Variants in NKD2 observed in about 807,000 individuals in gnomAD.
NKD2 encodes the protein protein naked cuticle homolog 2.
NKD2 carries 43 observed loss-of-function variants against 34.8 expected under a neutral mutation model. The observed-to-expected ratio is 1.24, with a 90% CI of 0.97 to 1.60. The LOEUF (loss-of-function observed/expected upper bound fraction) is 1.60, where lower values mean the gene tolerates loss of function less well. NKD2 is among the 40% of genes most tolerant of loss of function. NKD2 has a pLI of 0.00. For missense variants in NKD2, 675 were observed against 627.1 expected (o/e 1.08, Z -0.82); for synonymous variants, 278 against 265.1 (o/e 1.05, Z -0.47).
chr5:1,022,202 T>C (rs146574821), intron 3 of NKD2, among the ~76,000 whole-genome samples: 3,796 of 151,496 alleles, frequency 0.025, 188 homozygotes, highest in African/African-American at 0.087. Flanking sequence ...GTCCCTGCTC[T>C]TCCCACCCGC....
intron 3 of NKD2, among the ~76,000 whole-genome samples, chr5:1,024,224 T>G (rs561638834): frequency 0.02 from 94 of 4,664 alleles, 5 homozygotes; most frequent in African/African-American, 0.024. Context: ...CTTCCCACCC[T>G]CTGTGGGCGT....
rs536383686 is a variant in NKD2, at chr5:1,010,228, T to A, written c.141+668T>A. Among the ~76,000 whole-genome samples the A allele has an allele frequency of 2.6e-5, 4 of 152,294 alleles. No individual in the cohort carries two copies. The East Asian group carries it at 7.7e-4, about 30-fold the overall frequency. Reference sequence around the variant, plus strand: ...CCAGGTCTGGGGCCCTGGAAGGGCCTGGGGTAAATTAGACCTGCATGTTTG... The same window carrying A: ...CCAGGTCTGGGGCCCTGGAAGGGCCAGGGGTAAATTAGACCTGCATGTTTG... On this transcript the variant is annotated intron_variant, in intron 3 of 9. Coordinates refer to ENST00000296849, the MANE Select transcript of NKD2 (RefSeq NM_033120.4).
intron 3 of NKD2, among the ~76,000 whole-genome samples, chr5:1,016,105 C>T (rs11956888): frequency 5.9e-5 from 9 of 152,196 alleles, no homozygotes; most frequent in Non-Finnish European, 1.2e-4. Flanking sequence ...GATCCCCCCC[C>T]ACACCGGACA....
chr5:1,027,111 C>T (rs1756448738), intron 3 of NKD2, among the ~76,000 whole-genome samples: 1 of 152,250 alleles, frequency 6.6e-6, no homozygotes, highest in Non-Finnish European at 1.5e-5. Context: ...CTGGGCACAG[C>T]TCGAGAGCCA....
In NKD2 at chr5:1,038,404, A is replaced by T. The variant is rs1734129994; in HGVS notation, c.*31A>T. 7 of 1,535,476 alleles carry T rather than the reference A, an allele frequency of 4.6e-6. No homozygotes were observed. The highest frequency in any genetic ancestry group is 6.1e-6 in the Non-Finnish European group (7 of 1,146,652). ...CTGCCAAGCACACCTCGCTCCCAGC[A>T]CACCACAGCCCGCGACCTCAGGGCA... On this transcript the variant is annotated 3_prime_UTR_variant, in exon 10 of 10. Transcript: ENST00000296849. The surrounding 1 kb of genome is among the most constrained non-coding windows in gnomAD (Gnocchi z 4.5).
chr5:1,017,334 GCCA>G (rs2150730085), intron 3 of NKD2, among the ~76,000 whole-genome samples: 1 of 152,358 alleles, frequency 6.6e-6, no homozygotes, highest in East Asian at 1.9e-4. Context: ...GGCGTGCCAG[GCCA>G]GTGGCCAGGT....
chr5:1,019,995 G>A (rs1018708132), intron 3 of NKD2, among the ~76,000 whole-genome samples: 6 of 152,290 alleles, frequency 3.9e-5, no homozygotes, highest in Admixed American at 6.5e-5. Flanking sequence ...GGCCCGAGTC[G>A]TGGTTTTATT....
chr5:1,026,971 C>G (rs1365905588), intron 3 of NKD2, among the ~76,000 whole-genome samples: 1 of 152,252 alleles, frequency 6.6e-6, no homozygotes. Flanking sequence ...ATTCTGGCAG[C>G]CTTGGGCCTG....
At position 1,038,255 on chromosome 5, in the gene NKD2, A is replaced by G. The variant is rs768145712; in HGVS notation, c.1238A>G (p.Asp413Gly). ...ACAGTGGAGCACGAGGTGGTGCGGG[A>G]CCTGCCGCCCACGCCAGCAGGAGAG... The part of the protein sequence containing the change: ...PATVEHEVVR[D>G]LPPTPAGEGY... Residue 413 changes from aspartate to glycine, a missense_variant, in exon 10 of 10, where the codon GAC becomes GGC. Coordinates refer to ENST00000296849, the MANE Select transcript of NKD2 (RefSeq NM_033120.4). This position sits in a 1 kb window ranked among gnomAD's most constrained non-coding sequence, Gnocchi z 4.5. 4 of 1,583,374 alleles carry G rather than the reference A, an allele frequency of 2.5e-6. No homozygotes were observed. Among genetic ancestry groups the G allele is most frequent in the Non-Finnish European group, 3.4e-6 (4 of 1,168,464 alleles).
At chr5:1,014,581 C>T (rs796339499) in intron 3 of NKD2, among the ~76,000 whole-genome samples, 1 of 152,332 alleles carries the variant, frequency 6.6e-6, no homozygotes, top group African/African-American at 2.4e-5. Flanking sequence ...TCCTTTGCCC[C>T]TGGGTGGGCA....
At position 1,037,811 on chromosome 5, in the gene NKD2, CT is replaced by C; in HGVS notation, c.795del (p.Pro266LeufsTer162). ...NYTSRFGPGSPPVQAKQEPQG... is the reference protein window; with the variant it reads ...NYTSRFGPGSXPVQAKQEPQG... The stretch of plus-strand genomic sequence containing the variant: ...CTCTGACCTGTGTCCGCAGGGTCCC[CT>C]CCTGTGCAAGCAAAGCAGGAGCCCC... On this transcript the variant is annotated frameshift_variant, in exon 10 of 10. Transcript: ENST00000296849. LOFTEE classifies it low-confidence loss of function (END_TRUNC). 1 of 1,574,844 alleles carries C rather than the reference CT, an allele frequency of 6.3e-7. No homozygotes were observed. Among genetic ancestry groups the C allele is most frequent in the Non-Finnish European group, 8.6e-7 (1 of 1,164,426 alleles).
At chr5:1,029,931 G>A (rs1756573708) in intron 3 of NKD2, among the ~76,000 whole-genome samples, 1 of 151,048 alleles carries the variant, frequency 6.6e-6, no homozygotes, top group Non-Finnish European at 1.5e-5. Flanking sequence ...GAGGCTCAGG[G>A]CACCCAGCAC....
chr5:1,032,245 A>G, intron 4 of NKD2, 33 bp downstream of exon 4: 1 of 1,558,600 alleles, frequency 6.4e-7, no homozygotes, highest in Non-Finnish European at 8.8e-7. Context: ...TCCCTCCCCA[A>G]ACTCACAGAC....
At chr5:1,013,154 G>A (rs16870593) in intron 3 of NKD2, among the ~76,000 whole-genome samples, 4,585 of 152,352 alleles carry the variant, frequency 0.03, 171 homozygotes, top group African/African-American at 0.091. Flanking sequence ...ATGTCCAGGA[G>A]AATGGCAGCT....
chr5:1,026,244 C>T (rs1176794121), intron 3 of NKD2, among the ~76,000 whole-genome samples: 3 of 29,384 alleles, frequency 1.0e-4, no homozygotes, highest in Non-Finnish European at 2.1e-4. Context: ...TGCTAGTGGG[C>T]GTCTCAGCCC....
chr5:1,018,584 C>T (rs187060238), intron 3 of NKD2, among the ~76,000 whole-genome samples: 5 of 152,278 alleles, frequency 3.3e-5, no homozygotes, highest in African/African-American at 1.2e-4. Context: ...GGCTTGTGCT[C>T]AGATGGTGAC....
In NKD2 at chr5:1,038,149, C is replaced by A. The variant is rs762007713; in HGVS notation, c.1132C>A (p.Pro378Thr). ...DGHHLPQPPP[P>T]PYGHKRYRQK... ...CCACCACCTCCCGCAGCCCCCACCGCCACCCTACGGCCACAAGCGGTACCG... is the reference window on the plus strand; with the variant it reads ...CCACCACCTCCCGCAGCCCCCACCGACACCCTACGGCCACAAGCGGTACCG... Residue 378 changes from proline (P) to threonine (T), a missense_variant, in exon 10 of 10, where the codon CCA becomes ACA. Transcript: ENST00000296849. The surrounding 1 kb of genome is among the most constrained non-coding windows in gnomAD (Gnocchi z 4.5). 1 of 1,587,114 alleles carries A rather than the reference C, an allele frequency of 6.3e-7. No individual in the cohort carries two copies. Among genetic ancestry groups the A allele is most frequent in the Non-Finnish European group, 8.6e-7 (1 of 1,169,002 alleles).
rs1014334753 is a variant in NKD2 at position 1,030,135 on chromosome 5, G to A, written c.142-2017G>A. 2.0e-5 allele frequency among the ~76,000 whole-genome samples: 3 copies of A among 152,122 alleles called. No individual in the cohort carries two copies. The South Asian group carries it at 6.2e-4, about 31-fold the overall frequency. On this transcript the variant is annotated intron_variant, in intron 3 of 9. Coordinates refer to ENST00000296849, the MANE Select transcript of NKD2 (RefSeq NM_033120.4). ...CAAGGGTAGACAGGGATGCCTCGGG[G>A]CACCCACCTCAGCATTTAGGGTCAC...
chr5:1,036,517 A>ACCCC, intron 9 of NKD2, 133 bp downstream of exon 9: 1 of 308,500 alleles, frequency 3.2e-6, no homozygotes, highest in Non-Finnish European at 4.9e-6. Flanking sequence ...CCCCCACCCC[A>ACCCC]CCCCACCCAG....
Sources: allele counts gnomAD v4.1 joint callset (sites outside exome capture counted in the v4.1 genomes callset), GRCh38; gene constraint gnomAD v4.1.1; non-coding constraint Gnocchi (gnomAD v3.1); transcripts MANE v1.5; gene names NCBI Gene and HGNC (gene_info 2026-07-23, HGNC 2026-07-21).